The following PDHX variants were observed in gnomAD, a reference collection of about 807,000 sequenced individuals.
PDHX encodes the protein pyruvate dehydrogenase complex component X.
Under a neutral mutation model 55.3 loss-of-function variants are expected in PDHX, and 33 were observed. The observed-to-expected ratio is 0.60, with a 90% CI of 0.45 to 0.80. The LOEUF (loss-of-function observed/expected upper bound fraction) is 0.80, where lower values mean the gene tolerates loss of function less well. Among genes scored for constraint, PDHX ranks in the 30% least tolerant of loss-of-function variants. PDHX has a pLI of 0.00. For synonymous variants in PDHX, 226 were observed against 219.4 expected, an observed-to-expected ratio of 1.03 and a Z score of -0.27; for missense variants, 622 against 619.9, an observed-to-expected ratio of 1.00 and a Z score of -0.04.
intron 5 of PDHX, among the ~76,000 whole-genome samples, chr11:34,965,884 T>C (rs1855119811): frequency 1.3e-5 from 2 of 152,214 alleles, no homozygotes; most frequent in East Asian, 1.9e-4. Flanking sequence ...AAAATACTTA[T>C]TGGATATTAA....
chr11:34,919,066 G>A (rs1455546071), intron 1 of PDHX, among the ~76,000 whole-genome samples: 9 of 152,156 alleles, frequency 5.9e-5, no homozygotes, highest in Admixed American at 5.9e-4. Context: ...CATATTCATA[G>A]GTTCTGGGTA....
intron 7 of PDHX, among the ~76,000 whole-genome samples, chr11:34,976,683 G>A (rs1349622051): frequency 6.6e-6 from 1 of 152,158 alleles, no homozygotes; most frequent in East Asian, 1.9e-4. Flanking sequence ...AACCAGGAGA[G>A]TATAGTGACA....
chr11:34,916,474 G>C, upstream of PDHX: 2 of 1,458,568 alleles, frequency 1.4e-6, no homozygotes, highest in Admixed American at 2.6e-5. Context: ...CGGCGCACCT[G>C]ACTTCCCGGG....
At chr11:34,916,046 G>A (rs1853674394), upstream of PDHX, 2 of 750,320 alleles carry the variant, frequency 2.7e-6, no homozygotes, top group South Asian at 1.9e-5. Flanking sequence ...GATCTCCTGG[G>A]GCCTCGCAGC....
At position 34,957,891 on chromosome 11, in the gene PDHX, A is replaced by G. The variant is rs187170714; in HGVS notation, c.542+308A>G. On this transcript the variant is annotated intron_variant, in intron 4 of 10. Transcript: ENST00000227868. ...TTTTAGAAGTCTAAAATGGTATTCA[A>G]TATACCAAACTTGATACTCTGTTCC... Among the ~76,000 whole-genome samples the G allele has an allele frequency of 1.8e-3, 272 of 152,314 alleles. 1 individual carries two copies. Among genetic ancestry groups the G allele is most frequent in the Middle Eastern group, 0.014 (4 of 294 alleles).
Position 34,931,483 on chromosome 11 carries a change from A to T in PDHX, c.240A>T (p.Glu80Asp). Residue 80 changes from glutamate to aspartate, a missense_variant and splice_region_variant, in exon 2 of 11, where the codon GAA becomes GAT. Coordinates refer to ENST00000227868, the MANE Select transcript of PDHX (RefSeq NM_003477.3). ...EGNIVKWLKK[E>D]GEAVSAGDAL... ...ACATTGTGAAATGGCTGAAAAAGGA[A>T]GGTGAGGAGGTACCTTCCTAATGTC... is the stretch of plus-strand genomic sequence containing the variant. 6.4e-7 allele frequency: 1 copy of T among 1,563,914 alleles called. No individual in the cohort carries two copies. The highest frequency in any genetic ancestry group is 1.1e-5 in the South Asian group (1 of 89,516).
chr11:34,947,551 A>G lies in PDHX; in HGVS notation c.287A>G (p.Asp96Gly). 6.2e-7 allele frequency: 1 copy of G among 1,613,716 alleles called. No individual in the cohort carries two copies. Among genetic ancestry groups the G allele is most frequent in the Non-Finnish European group, 8.5e-7 (1 of 1,179,668 alleles). Residue 96 changes from aspartate to glycine, a missense_variant, in exon 3 of 11, where the codon GAC becomes GGC. By Grantham distance (94) the Asp-to-Gly change is moderately conservative. Coordinates refer to ENST00000227868, the MANE Select transcript of PDHX (RefSeq NM_003477.3). ...GATGCATTATGTGAAATTGAGACTGACAAAGCTGTGGTTACCTTAGATGCA... is the reference window on the plus strand; with the variant it reads ...GATGCATTATGTGAAATTGAGACTGGCAAAGCTGTGGTTACCTTAGATGCA... ...AGDALCEIET[D>G]KAVVTLDASD... is the part of the protein sequence containing the mutation.
intron 9 of PDHX, among the ~76,000 whole-genome samples, chr11:34,989,577 G>C (rs1197241929): frequency 6.6e-6 from 1 of 152,136 alleles, no homozygotes; most frequent in Admixed American, 6.6e-5. Flanking sequence ...TGGGATCATG[G>C]ACAGGTTGAG....
chr11:34,987,825 G>A (rs1290265893), intron 9 of PDHX, among the ~76,000 whole-genome samples: 1 of 151,880 alleles, frequency 6.6e-6, no homozygotes, highest in African/African-American at 2.4e-5. Flanking sequence ...ATTGAATTCA[G>A]CTTTACTGTG....
chr11:34,932,650 T>C (rs1284222708), intron 2 of PDHX, among the ~76,000 whole-genome samples: 1 of 152,212 alleles, frequency 6.6e-6, no homozygotes, highest in Non-Finnish European at 1.5e-5. Context: ...AAATGCTAAA[T>C]GGTGTAAATA....
chr11:34,923,096 T>A (rs1295029529), intron 1 of PDHX, among the ~76,000 whole-genome samples: 3 of 152,194 alleles, frequency 2.0e-5, no homozygotes, highest in Non-Finnish European at 4.4e-5. Context: ...CACCATATGC[T>A]ATCTAAAAAT....
At chr11:34,930,069 T>C (rs539954238) in intron 1 of PDHX, among the ~76,000 whole-genome samples, 2 of 152,328 alleles carry the variant, frequency 1.3e-5, no homozygotes, top group African/African-American at 4.8e-5. Context: ...TGGTGGGCCC[T>C]GATGGCAAGA....
chr11:34,994,456 A>G (rs954412949), intron 10 of PDHX, among the ~76,000 whole-genome samples: 1 of 152,234 alleles, frequency 6.6e-6, no homozygotes, highest in African/African-American at 2.4e-5. Flanking sequence ...TTAGGACATC[A>G]CTATACACTA....
upstream of PDHX, chr11:34,916,542 G>A: frequency 2.0e-6 from 3 of 1,491,044 alleles, no homozygotes; most frequent in Non-Finnish European, 2.7e-6. Flanking sequence ...GTTCAAGTCT[G>A]AGAGACCTAA....
intron 2 of PDHX, among the ~76,000 whole-genome samples, chr11:34,938,580 A>G (rs533089689): frequency 6.6e-6 from 1 of 152,322 alleles, no homozygotes; most frequent in South Asian, 2.1e-4. Context: ...GTGTCATTAA[A>G]TAATGATTCA....
chr11:34,978,554 G>T (rs1229761886), intron 8 of PDHX, among the ~76,000 whole-genome samples: 3 of 152,096 alleles, frequency 2.0e-5, no homozygotes, highest in African/African-American at 7.2e-5. Flanking sequence ...GTAACTAGGG[G>T]TGATTTTTCA....
chr11:34,965,474 G>A (rs75278165), intron 5 of PDHX, among the ~76,000 whole-genome samples: 1,562 of 152,252 alleles, frequency 0.01, 21 homozygotes, highest in African/African-American at 0.036. Flanking sequence ...GCCCTCTCCA[G>A]GGTAGTTTGC....
intron 7 of PDHX, among the ~76,000 whole-genome samples, chr11:34,971,829 G>A (rs1222370798): frequency 1.3e-5 from 2 of 151,832 alleles, no homozygotes; most frequent in African/African-American, 4.8e-5. Flanking sequence ...GGAAGAGTTT[G>A]GATACAATTG....
intron 6 of PDHX, among the ~76,000 whole-genome samples, chr11:34,968,858 C>G (rs1855193009): frequency 6.6e-6 from 1 of 152,054 alleles, no homozygotes; most frequent in African/African-American, 2.4e-5. Context: ...AAACAATCTT[C>G]TCAAATTTAT....
Sources: allele counts gnomAD v4.1 joint callset (sites outside exome capture counted in the v4.1 genomes callset), GRCh38; gene constraint gnomAD v4.1.1; transcripts MANE v1.5; gene names NCBI Gene and HGNC (gene_info 2026-07-23, HGNC 2026-07-21).